MAST2: variants seen among roughly 807,000 people sequenced by gnomAD.
The protein encoded by MAST2 is microtubule-associated serine/threonine-protein kinase 2.
MAST2 carries 70 observed loss-of-function variants against 147.4 expected under a neutral mutation model. The ratio of observed to expected loss-of-function variants is 0.47; its 90% CI spans 0.39 to 0.58. The LOEUF (loss-of-function observed/expected upper bound fraction) is 0.58, where lower values mean the gene tolerates loss of function less well. Among genes scored for constraint, MAST2 ranks in the 20% least tolerant of loss-of-function variants. The pLI, the probability that MAST2 is intolerant of heterozygous loss-of-function variation, is 0.00. For missense variants in MAST2, 2,080 were observed against 2,302.3 expected (o/e 0.90, Z 1.98); for synonymous variants, 869 against 896.8 (o/e 0.97, Z 0.55).
chr1:45,938,731 C>T (rs922222876), intron 4 of MAST2, among the ~76,000 whole-genome samples: 1 of 152,230 alleles, frequency 6.6e-6, no homozygotes, highest in Non-Finnish European at 1.5e-5. Context: ...ACTAATTACT[C>T]TCTCTTCTTG....
chr1:45,960,501 T>C (rs1056894575), intron 5 of MAST2, among the ~76,000 whole-genome samples: 2 of 151,842 alleles, frequency 1.3e-5, no homozygotes, highest in Admixed American at 6.6e-5. Context: ...TGAGACCCCA[T>C]CTCAAAAAGA....
chr1:45,968,920 G>T (rs1643768939), intron 5 of MAST2, among the ~76,000 whole-genome samples: 1 of 148,984 alleles, frequency 6.7e-6, no homozygotes, highest in African/African-American at 2.5e-5. Context: ...TTTAGTTTTG[G>T]AAGTTTCTGT....
In MAST2 at chr1:45,959,394, C is replaced by T; in HGVS notation, c.509C>T (p.Thr170Ile). ...SLPRRGSFCR[T>I]SNRKSLIVTS... is the part of the protein sequence containing the mutation. The stretch of plus-strand genomic sequence containing the variant: ...TTTTGTTTTCATTGCAGTTGTCGGA[C>T]AAGTAACCGCAAGAGCTTGATTGTG... The change falls in exon 5 of 29, where the codon ACA becomes ATA. Residue 170 changes from threonine to isoleucine, a missense_variant. This residue lies in a region of MAST2 where 569 missense variants were observed against 642.5 expected (regional missense o/e 0.89). Coordinates refer to ENST00000361297, the MANE Select transcript of MAST2 (RefSeq NM_015112.3). The T allele has an allele frequency of 4.3e-6, 7 of 1,613,596 alleles. No individual in the cohort carries two copies. The highest frequency in any genetic ancestry group is 5.9e-6 in the Non-Finnish European group (7 of 1,179,680).
At chr1:45,834,585 C>T (rs985129834) in intron 3 of MAST2, among the ~76,000 whole-genome samples, 3 of 151,976 alleles carry the variant, frequency 2.0e-5, no homozygotes, top group South Asian at 2.1e-4. Context: ...ACTTAGATAG[C>T]GTCTTGTTCA....
rs71587722 is a variant in MAST2 at position 45,888,663 on chromosome 1, C to CTTTTTTTTTTTTTTTTTT, written c.500+6287_500+6304dup. On this transcript the variant is annotated intron_variant, in intron 4 of 28. Transcript: ENST00000361297. ...AGGCGTGAGCCACCGCGCGCGGCCT[C>CTTTTTTTTTTTTTTTTTT]TTTTTTTTTTTTTTTTTTTTTTTTT... Among the ~76,000 whole-genome samples the CTTTTTTTTTTTTTTTTTT allele has an allele frequency of 5.5e-4, 27 of 48,726 alleles. 3 individuals carry two copies. Among genetic ancestry groups the CTTTTTTTTTTTTTTTTTT allele is most frequent in the Non-Finnish European group, 7.0e-4 (18 of 25,764 alleles). The allele number at this position is 48,726 out of a possible 152,430, so 32.0% of individuals were successfully genotyped here.
At chr1:45,917,426 A>G in intron 4 of MAST2, 5 of 1,366,392 alleles carry the variant, frequency 3.7e-6, no homozygotes, top group South Asian at 1.1e-5. Context: ...CTAAAGTCCC[A>G]TTTAGTGCTG....
chr1:45,850,204 T>C (rs1332203356), intron 3 of MAST2, among the ~76,000 whole-genome samples: 1 of 152,194 alleles, frequency 6.6e-6, no homozygotes, highest in African/African-American at 2.4e-5. Context: ...ATGGTTAGTA[T>C]GTGGAGCATG....
At chr1:46,009,273 C>T (rs1476501762) in intron 9 of MAST2, among the ~76,000 whole-genome samples, 2 of 152,124 alleles carry the variant, frequency 1.3e-5, no homozygotes, top group African/African-American at 4.8e-5. Context: ...AGGCTGGTCT[C>T]GAAATCCTGA....
intron 1 of MAST2, among the ~76,000 whole-genome samples, chr1:45,821,460 ATG>A (rs1557803444): frequency 6.8e-6 from 1 of 146,678 alleles, no homozygotes; most frequent in African/African-American, 2.5e-5. Context: ...AGCTTCTTGG[ATG>A]TGTAGATTTG....
At chr1:45,924,403 A>G (rs1654024405) in intron 4 of MAST2, among the ~76,000 whole-genome samples, 1 of 152,214 alleles carries the variant, frequency 6.6e-6, no homozygotes, top group Non-Finnish European at 1.5e-5. Flanking sequence ...AAATGGTTCC[A>G]GTAAACAATG....
intron 3 of MAST2, among the ~76,000 whole-genome samples, chr1:45,869,910 C>CG (rs1646311138): frequency 5.9e-5 from 7 of 117,678 alleles, no homozygotes; most frequent in African/African-American, 2.5e-4. Flanking sequence ...TCCTGTGATT[C>CG]TTTTGTTTGT....
At chr1:46,009,467 C>CA (rs1645625864) in intron 9 of MAST2, among the ~76,000 whole-genome samples, 1 of 152,188 alleles carries the variant, frequency 6.6e-6, no homozygotes. Flanking sequence ...GAACCTGTGC[C>CA]CTGTGGTCTG....
chr1:45,825,815 G>A (rs1446640987), intron 2 of MAST2, among the ~76,000 whole-genome samples: 9 of 151,574 alleles, frequency 5.9e-5, no homozygotes, highest in Non-Finnish European at 8.8e-5. Flanking sequence ...GGTGGCTCAC[G>A]CCCGTAATCA....
intron 4 of MAST2, among the ~76,000 whole-genome samples, chr1:45,924,587 T>G (rs966882095): frequency 7.2e-5 from 11 of 152,106 alleles, no homozygotes; most frequent in African/African-American, 2.2e-4. Flanking sequence ...GCAGCCAGAG[T>G]CATGTCAGTG....
chr1:45,882,205 A>T (rs1428328910), intron 3 of MAST2, among the ~76,000 whole-genome samples, 159 bp from the exon 4 acceptor site: 4 of 131,972 alleles, frequency 3.0e-5, no homozygotes, highest in African/African-American at 5.5e-5. Context: ...AAAAAAAAAA[A>T]ATAAATAAAA....
At chr1:45,933,786 C>T (rs575974514) in intron 4 of MAST2, among the ~76,000 whole-genome samples, 72 of 152,114 alleles carry the variant, frequency 4.7e-4, no homozygotes, top group Admixed American at 1.2e-3. Context: ...AACTCTGACC[C>T]CCCATTACCC....
chr1:45,850,034 T>C (rs528259820), intron 3 of MAST2, among the ~76,000 whole-genome samples: 1 of 152,340 alleles, frequency 6.6e-6, no homozygotes, highest in South Asian at 2.1e-4. Context: ...CCAACTACTT[T>C]CCAGAGTGCT....
chr1:46,032,654 C>G lies in MAST2; in HGVS notation c.3473C>G (p.Thr1158Ser), dbSNP rs1302843914. ...GGGCTTCGTCAAGGTGACCTCATCA[C>G]CCATGTCAATGGGGAACCTGTGCAT... is the stretch of plus-strand genomic sequence containing the variant. ...EAGLRQGDLI[T>S]HVNGEPVHGL... The change falls in exon 26 of 29, where the codon ACC (threonine) becomes AGC (serine). Residue 1158 changes from threonine (T) to serine (S), a missense_variant. By Grantham distance (58) the Thr-to-Ser change is moderately conservative. This residue lies in a region of MAST2 where 1,278 missense variants were observed against 1,304.2 expected (regional missense o/e 0.98). Transcript: ENST00000361297. 1 of 1,614,200 alleles carries G rather than the reference C, an allele frequency of 6.2e-7. No homozygotes were observed. The highest frequency in any genetic ancestry group is 1.7e-5 in the Admixed American group (1 of 60,028).
At chr1:45,863,457 C>G (rs1283178886) in intron 3 of MAST2, among the ~76,000 whole-genome samples, 1 of 152,202 alleles carries the variant, frequency 6.6e-6, no homozygotes, top group Non-Finnish European at 1.5e-5. Context: ...TTTATTAGCT[C>G]TCACAATGAA....
Sources: allele counts gnomAD v4.1 joint callset (sites outside exome capture counted in the v4.1 genomes callset), GRCh38; gene constraint gnomAD v4.1.1; regional missense constraint gnomAD v4.1.1; transcripts MANE v1.5; gene names NCBI Gene and HGNC (gene_info 2026-07-23, HGNC 2026-07-21).